KLHL32: variants seen among roughly 807,000 people sequenced by gnomAD.
The protein encoded by KLHL32 is kelch like family member 32.
KLHL32 carries 35 observed loss-of-function variants against 64.8 expected under a neutral mutation model. The ratio of observed to expected loss-of-function variants is 0.54; its 90% confidence interval spans 0.41 to 0.72. The LOEUF is 0.72. KLHL32 is among the 30% of genes least tolerant of loss of function. KLHL32 has a pLI of 0.00. For missense variants in KLHL32, 589 were observed against 768.5 expected, an observed-to-expected ratio of 0.77 and a Z score of 2.76; for synonymous variants, 259 against 281.0, an observed-to-expected ratio of 0.92 and a Z score of 0.78.
chr6:97,069,631 G>A (rs919171113), intron 5 of KLHL32, among the ~76,000 whole-genome samples: 1 of 152,158 alleles, frequency 6.6e-6, no homozygotes, highest in Non-Finnish European at 1.5e-5. Flanking sequence ...CTGATTTTAT[G>A]CCTTATACCC....
intron 5 of KLHL32, among the ~76,000 whole-genome samples, chr6:97,077,492 G>A (rs1791787131): frequency 6.6e-6 from 1 of 151,962 alleles, no homozygotes; most frequent in African/African-American, 2.4e-5. Context: ...GGGGAAAGGG[G>A]GAAAAATCTA....
intron 3 of KLHL32, among the ~76,000 whole-genome samples, chr6:96,977,145 T>C (rs1775795594): frequency 6.6e-6 from 1 of 152,258 alleles, no homozygotes; most frequent in Non-Finnish European, 1.5e-5. Flanking sequence ...GTGATTCACA[T>C]GGTGAGCAAA....
chr6:96,979,444 T>G (rs1189426930), intron 3 of KLHL32, among the ~76,000 whole-genome samples: 1 of 152,160 alleles, frequency 6.6e-6, no homozygotes, highest in East Asian at 1.9e-4. Flanking sequence ...GATCAGATGG[T>G]TGTAGGTGTG....
intron 6 of KLHL32, among the ~76,000 whole-genome samples, chr6:97,096,069 A>G (rs1794943494): frequency 6.6e-6 from 1 of 152,112 alleles, no homozygotes; most frequent in Admixed American, 6.6e-5. Flanking sequence ...AAAATTCAAG[A>G]CTGTTATTTT....
intron 5 of KLHL32, among the ~76,000 whole-genome samples, chr6:97,076,560 A>G (rs1884167): frequency 0.89 from 134,842 of 152,222 alleles, 59,789 homozygotes; most frequent in East Asian, 1. Flanking sequence ...AACTAAAGAC[A>G]CCACCAGTGC....
chr6:96,956,250 G>A (rs1773262936), intron 1 of KLHL32, among the ~76,000 whole-genome samples: 1 of 152,156 alleles, frequency 6.6e-6, no homozygotes, highest in Non-Finnish European at 1.5e-5. Flanking sequence ...TGAGATTTGG[G>A]TGGGGAAACA....
At chr6:96,981,349 G>A (rs924309278) in intron 3 of KLHL32, among the ~76,000 whole-genome samples, 1 of 151,948 alleles carries the variant, frequency 6.6e-6, no homozygotes, top group African/African-American at 2.4e-5. Context: ...GCACATAGAG[G>A]TTTGTAGTCT....
At chr6:97,043,083 C>G (rs1447745169) in intron 4 of KLHL32, among the ~76,000 whole-genome samples, 1 of 152,198 alleles carries the variant, frequency 6.6e-6, no homozygotes, top group African/African-American at 2.4e-5. Context: ...GTGGAAACAG[C>G]CTGAAACCCT....
At chr6:96,977,455 A>G (rs1775832264) in intron 3 of KLHL32, among the ~76,000 whole-genome samples, 1 of 145,146 alleles carries the variant, frequency 6.9e-6, no homozygotes, top group African/African-American at 2.7e-5. Context: ...ACATTATTTC[A>G]ATGCCTATTT....
At chr6:97,120,661 A>G (rs1370811687) in intron 7 of KLHL32, among the ~76,000 whole-genome samples, 1 of 152,098 alleles carries the variant, frequency 6.6e-6, no homozygotes, top group Non-Finnish European at 1.5e-5. Flanking sequence ...TGAGGGAGAA[A>G]AGTGTGTGTT....
intron 6 of KLHL32, among the ~76,000 whole-genome samples, chr6:97,087,991 C>CT (rs1265185884): frequency 9.9e-5 from 15 of 151,948 alleles, no homozygotes; most frequent in Admixed American, 5.9e-4. Context: ...TGGAACTGTT[C>CT]TTTTTTTTCC....
intron 3 of KLHL32, among the ~76,000 whole-genome samples, chr6:97,040,801 T>C (rs1737644): frequency 0.17 from 25,910 of 152,084 alleles, 2,528 homozygotes; most frequent in African/African-American, 0.28. Context: ...CTCATGATAG[T>C]GAGTGAGTTC....
At chr6:97,096,655 C>T (rs1300831735) in intron 6 of KLHL32, among the ~76,000 whole-genome samples, 2 of 152,224 alleles carry the variant, frequency 1.3e-5, no homozygotes, top group Admixed American at 1.3e-4. Flanking sequence ...TGGTGGGTTC[C>T]AGTCCCTTTC....
At chr6:97,095,784 T>C (rs1389443821) in intron 6 of KLHL32, among the ~76,000 whole-genome samples, 3 of 152,114 alleles carry the variant, frequency 2.0e-5, no homozygotes, top group Non-Finnish European at 2.9e-5. Context: ...CTTGAGAAAG[T>C]GTGTGTGAGA....
intron 5 of KLHL32, among the ~76,000 whole-genome samples, chr6:97,082,865 G>A (rs1219650660): frequency 6.6e-6 from 1 of 152,078 alleles, no homozygotes; most frequent in East Asian, 1.9e-4. Flanking sequence ...TTAATGGTGT[G>A]CCTTATTCAA....
intron 4 of KLHL32, among the ~76,000 whole-genome samples, chr6:97,058,646 A>G (rs1394917771): frequency 6.6e-6 from 1 of 152,216 alleles, no homozygotes; most frequent in African/African-American, 2.4e-5. Context: ...CAGTGTTTGT[A>G]AGAAATCTAT....
chr6:97,056,830 G>A (rs9320403), intron 4 of KLHL32, among the ~76,000 whole-genome samples: 23,346 of 151,952 alleles, frequency 0.15, 1,950 homozygotes, highest in African/African-American at 0.23. Flanking sequence ...TTTGAGCCCC[G>A]GAGCTCGACA....
intron 3 of KLHL32, among the ~76,000 whole-genome samples, chr6:96,985,036 T>G (rs1776837880): frequency 6.6e-6 from 1 of 152,030 alleles, no homozygotes; most frequent in South Asian, 2.1e-4. Flanking sequence ...ATTTTAGTGC[T>G]TCCTTCAGGA....
intron 4 of KLHL32, among the ~76,000 whole-genome samples, chr6:97,060,066 A>C (rs1190502328): frequency 1.3e-5 from 2 of 152,138 alleles, no homozygotes; most frequent in East Asian, 1.9e-4. Flanking sequence ...TTTACTAAAG[A>C]CCTTAGTTGT....
Sources: gnomAD v4.1 joint callset for allele counts (sites outside exome capture counted in the v4.1 genomes callset) on GRCh38, gnomAD v4.1.1 for gene constraint, MANE v1.5 for transcripts, NCBI Gene and HGNC (gene_info 2026-07-23, HGNC 2026-07-21) for gene names.